Variants in CORIN observed in about 807,000 individuals in gnomAD.
The protein encoded by CORIN is atrial natriuretic peptide-converting enzyme.
In CORIN, 117 loss-of-function variants were observed where a neutral mutation model predicts 125.3. The observed-to-expected ratio is 0.93, with a 90% confidence interval of 0.80 to 1.09. The LOEUF is 1.09. Ranked by LOEUF, CORIN falls within the 50% of genes least tolerant of loss-of-function variation. The pLI, the probability that CORIN is intolerant of heterozygous loss-of-function variation, is 0.00. For missense variants in CORIN, 1,253 were observed against 1,306.7 expected (o/e 0.96, Z 0.63); for synonymous variants, 450 against 466.4 (o/e 0.96, Z 0.45).
At chr4:47,694,432 T>G (rs1311135058) in intron 5 of CORIN, among the ~76,000 whole-genome samples, 1 of 152,028 alleles carries the variant, frequency 6.6e-6, no homozygotes, top group East Asian at 1.9e-4. Context: ...AATCTCCTTC[T>G]GTCTCTCTCT....
At chr4:47,731,868 C>T (rs1360066917) in intron 5 of CORIN, among the ~76,000 whole-genome samples, 1 of 133,372 alleles carries the variant, frequency 7.5e-6, no homozygotes. Context: ...GACTCCATCT[C>T]AAAAAAAAAA....
rs35452886 is a variant in CORIN, at chr4:47,628,437, CGTGTGTGTGTGT to C, written c.2199-1928_2199-1917del. ...AAGCATATCTATCACCACATAGTTA[CGTGTGTGTGTGT>C]GTGTGTGTGTGTGTGTGTGTGTGTT... On this transcript the variant is annotated intron_variant, in intron 16 of 21. Coordinates refer to ENST00000273857, the MANE Select transcript of CORIN (RefSeq NM_006587.4). Among the ~76,000 whole-genome samples, 15 of 147,476 alleles carry C rather than the reference CGTGTGTGTGTGT, an allele frequency of 1.0e-4. No individual in the cohort carries two copies. The South Asian group carries it at 2.2e-3, about 22-fold the overall frequency.
At chr4:47,814,007 A>C (rs1732161222) in intron 1 of CORIN, among the ~76,000 whole-genome samples, 2 of 152,316 alleles carry the variant, frequency 1.3e-5, no homozygotes, top group Admixed American at 6.5e-5. Context: ...TTATCACAAA[A>C]TATTTGCTTA....
intron 8 of CORIN, chr4:47,679,567 G>A (rs1725171362): frequency 6.6e-6 from 1 of 152,286 alleles, no homozygotes; most frequent in Non-Finnish European, 1.5e-5. Flanking sequence ...GGCCAGGCTG[G>A]TCTCAAACTC....
chr4:47,777,794 G>T (rs1730364495), intron 3 of CORIN, among the ~76,000 whole-genome samples: 1 of 152,204 alleles, frequency 6.6e-6, no homozygotes, highest in Non-Finnish European at 1.5e-5. Context: ...ACTCATTTCA[G>T]CTACAAGTGA....
intron 3 of CORIN, among the ~76,000 whole-genome samples, chr4:47,765,093 C>A (rs1248211845): frequency 6.6e-6 from 1 of 152,000 alleles, no homozygotes; most frequent in Non-Finnish European, 1.5e-5. Flanking sequence ...AGGCAGATCA[C>A]GAGGTCAGGA....
intron 19 of CORIN, among the ~76,000 whole-genome samples, chr4:47,614,491 A>C (rs1490106000): frequency 6.6e-6 from 1 of 152,162 alleles, no homozygotes; most frequent in Non-Finnish European, 1.5e-5. Context: ...GAGCCACCAT[A>C]CTTGGCCCTT....
At position 47,683,857 on chromosome 4, in the gene CORIN, AC is replaced by A; in HGVS notation, c.914-20del. The A allele has an allele frequency of 6.4e-7, 1 of 1,573,504 alleles. No individual in the cohort carries two copies. Among genetic ancestry groups the A allele is most frequent in the Non-Finnish European group, 8.7e-7 (1 of 1,148,522 alleles). ...CTGCAGTCTGCAAATAAAAGAAGCC[AC>A]CAGTGTGTCATCAGAGCCATACAGA... On this transcript the variant is annotated intron_variant, in intron 6 of 21. Coordinates refer to ENST00000273857, the MANE Select transcript of CORIN (RefSeq NM_006587.4).
intron 19 of CORIN, among the ~76,000 whole-genome samples, chr4:47,608,412 A>T (rs1270330231): frequency 6.6e-6 from 1 of 152,244 alleles, no homozygotes; most frequent in Non-Finnish European, 1.5e-5. Flanking sequence ...ATTACTTGCC[A>T]TTTGGCTGTC....
intron 1 of CORIN, among the ~76,000 whole-genome samples, chr4:47,829,144 C>A (rs1290001340): frequency 9.9e-6 from 1 of 101,326 alleles, no homozygotes. Context: ...GGTGACAGGG[C>A]GAGACTCCGT....
At chr4:47,831,686 C>A (rs769038250) in intron 1 of CORIN, among the ~76,000 whole-genome samples, 2 of 152,068 alleles carry the variant, frequency 1.3e-5, no homozygotes, top group Non-Finnish European at 2.9e-5. Context: ...GGTAAGAAAT[C>A]CAGCTAGGGA....
chr4:47,753,855 A>T (rs1729019485), intron 4 of CORIN, among the ~76,000 whole-genome samples: 1 of 152,194 alleles, frequency 6.6e-6, no homozygotes, highest in South Asian at 2.1e-4. Flanking sequence ...TAAGAAGATA[A>T]CAGGATTAAG....
chr4:47,702,446 C>A (rs572271202), intron 5 of CORIN, among the ~76,000 whole-genome samples: 6 of 151,984 alleles, frequency 3.9e-5, no homozygotes, highest in Non-Finnish European at 1.5e-5. Flanking sequence ...GTAACTCAGT[C>A]ACAACGTTTA....
intron 16 of CORIN, among the ~76,000 whole-genome samples, chr4:47,627,051 T>A (rs758316617): frequency 2.3e-4 from 35 of 152,046 alleles, no homozygotes; most frequent in Non-Finnish European, 4.6e-4. Context: ...TGGTACAATC[T>A]CGGCTCACTG....
chr4:47,636,048 C>A (rs1723011801), intron 16 of CORIN, among the ~76,000 whole-genome samples: 1 of 152,264 alleles, frequency 6.6e-6, no homozygotes, highest in East Asian at 1.9e-4. Context: ...AAAGTGTAAA[C>A]CCTTATACCA....
intron 12 of CORIN, among the ~76,000 whole-genome samples, chr4:47,660,854 A>G (rs1241427349): frequency 6.6e-6 from 1 of 152,218 alleles, no homozygotes; most frequent in African/African-American, 2.4e-5. Context: ...GGAAACCAGT[A>G]TATAGAAGAG....
At chr4:47,690,729 G>A (rs887190901) in intron 6 of CORIN, among the ~76,000 whole-genome samples, 2 of 152,128 alleles carry the variant, frequency 1.3e-5, no homozygotes, top group Non-Finnish European at 2.9e-5. Context: ...TCTGTGGGTT[G>A]CATTCACTCT....
At chr4:47,722,733 G>C (rs1727408986) in intron 5 of CORIN, among the ~76,000 whole-genome samples, 1 of 152,136 alleles carries the variant, frequency 6.6e-6, no homozygotes, top group Admixed American at 6.5e-5. Context: ...TGAAACGTGG[G>C]ATTCTAAGAT....
chr4:47,734,067 G>A (rs1728010258), intron 5 of CORIN, among the ~76,000 whole-genome samples: 1 of 152,030 alleles, frequency 6.6e-6, no homozygotes, highest in South Asian at 2.1e-4. Context: ...GTCCCAGGAT[G>A]GTGGACTATT....
Sources: allele counts gnomAD v4.1 joint callset (sites outside exome capture counted in the v4.1 genomes callset), GRCh38; gene constraint gnomAD v4.1.1; transcripts MANE v1.5; gene names NCBI Gene and HGNC (gene_info 2026-07-23, HGNC 2026-07-21).